The following UNC5C variants were observed in gnomAD, a reference collection of about 807,000 sequenced individuals.
The protein encoded by UNC5C is unc-5 netrin receptor C, also known as netrin receptor UNC5C.
Under a neutral mutation model 99.8 loss-of-function variants are expected in UNC5C, and 47 were observed. The observed-to-expected ratio is 0.47, with a 90% CI of 0.37 to 0.60. UNC5C has a LOEUF of 0.60. UNC5C is among the 20% of genes least tolerant of loss of function. UNC5C has a pLI of 0.00. For missense variants in UNC5C, 1,062 were observed against 1,165.9 expected (o/e 0.91, Z 1.30); for synonymous variants, 487 against 452.2 (o/e 1.08, Z -0.98).
chr4:95,546,331 A>G (rs540501227), intron 1 of UNC5C, among the ~76,000 whole-genome samples: 1 of 152,348 alleles, frequency 6.6e-6, no homozygotes, highest in Non-Finnish European at 1.5e-5. Flanking sequence ...AAAATGTGTG[A>G]TTCTGCAAGG....
At chr4:95,215,886 G>C (rs138405632) in intron 10 of UNC5C, among the ~76,000 whole-genome samples, 44 of 152,260 alleles carry the variant, frequency 2.9e-4, no homozygotes, top group Non-Finnish European at 4.7e-4. Flanking sequence ...ATATGGCAAC[G>C]TGTCCACTTG....
intron 1 of UNC5C, among the ~76,000 whole-genome samples, chr4:95,484,897 A>G (rs1156895174): frequency 6.6e-6 from 1 of 151,848 alleles, no homozygotes. Context: ...TGACCTATTC[A>G]TGTTATTTTT....
At chr4:95,406,387 C>G (rs1243359529) in intron 1 of UNC5C, among the ~76,000 whole-genome samples, 1 of 152,130 alleles carries the variant, frequency 6.6e-6, no homozygotes, top group African/African-American at 2.4e-5. Flanking sequence ...GGAGATGGTG[C>G]CATGATCCAT....
chr4:95,456,354 G>C lies in UNC5C; in HGVS notation c.124+92380C>G, dbSNP rs576747811. 5.9e-5 allele frequency among the ~76,000 whole-genome samples: 9 copies of C among 152,238 alleles called. No individual in the cohort carries two copies. The South Asian group carries it at 1.9e-3, about 32-fold the overall frequency. ...TGCAGGAAAGTCAGTTGTGGGAATGGGGAATTCATTGAGTTAAAGGAACTT... is the reference window on the plus strand; with the variant it reads ...TGCAGGAAAGTCAGTTGTGGGAATGCGGAATTCATTGAGTTAAAGGAACTT... On this transcript the variant is annotated intron_variant, in intron 1 of 15. Coordinates refer to ENST00000453304, the MANE Select transcript of UNC5C (RefSeq NM_003728.4).
intron 4 of UNC5C, among the ~76,000 whole-genome samples, chr4:95,277,749 A>G (rs933875202): frequency 6.6e-5 from 10 of 152,204 alleles, no homozygotes; most frequent in African/African-American, 2.4e-4. Flanking sequence ...ATAGGATGAA[A>G]CTAATTGACA....
At chr4:95,258,611 A>G (rs1740094772) in intron 4 of UNC5C, among the ~76,000 whole-genome samples, 1 of 152,118 alleles carries the variant, frequency 6.6e-6, no homozygotes. Context: ...TAATTTACTC[A>G]AGTGTTTATA....
chr4:95,350,395 G>T (rs191555480), intron 1 of UNC5C, among the ~76,000 whole-genome samples: 44 of 152,150 alleles, frequency 2.9e-4, no homozygotes, highest in Middle Eastern at 3.4e-3. Context: ...GCTGAGGCAG[G>T]AGAATCACTT....
At chr4:95,398,043 G>GTTTTTTTTTTTTTTTTTT (rs1745570466) in intron 1 of UNC5C, among the ~76,000 whole-genome samples, 2 of 76,954 alleles carry the variant, frequency 2.6e-5, no homozygotes, top group African/African-American at 1.9e-4. Context: ...GCCAAATGTA[G>GTTTTTTTTTTTTTTTTTT]CTTTTTTTTT....
intron 1 of UNC5C, among the ~76,000 whole-genome samples, chr4:95,346,359 A>T (rs1342625560): frequency 6.6e-6 from 1 of 152,042 alleles, no homozygotes; most frequent in Admixed American, 6.6e-5. Flanking sequence ...CATTTAAAGA[A>T]GAACTAATAC....
intron 1 of UNC5C, among the ~76,000 whole-genome samples, chr4:95,347,432 C>G (rs1743817630): frequency 6.6e-6 from 1 of 151,814 alleles, no homozygotes; most frequent in African/African-American, 2.4e-5. Context: ...GGAACCACAA[C>G]ACACCCAGAA....
At chr4:95,267,990 C>T (rs1385269926) in intron 4 of UNC5C, among the ~76,000 whole-genome samples, 5 of 122,710 alleles carry the variant, frequency 4.1e-5, no homozygotes, top group Non-Finnish European at 7.9e-5. Context: ...TGCTCTGTAA[C>T]CCAGGCTGGA....
At chr4:95,409,940 A>C (rs2149451460) in intron 1 of UNC5C, among the ~76,000 whole-genome samples, 1 of 152,276 alleles carries the variant, frequency 6.6e-6, no homozygotes, top group South Asian at 2.1e-4. Context: ...TGTGTAGCTC[A>C]GCTGACTTAA....
intron 2 of UNC5C, 44 bp from the exon 3 acceptor site, chr4:95,301,793 A>G: frequency 6.3e-7 from 1 of 1,593,060 alleles, no homozygotes. Flanking sequence ...CAAGATTCAT[A>G]CTAAAGAAAT....
rs1008917580 is a variant in UNC5C at position 95,291,185 on chromosome 4, T to A, written c.490+10421A>T. 6.6e-5 allele frequency among the ~76,000 whole-genome samples: 10 copies of A among 152,284 alleles called. 1 individual carries two copies. The highest frequency in any genetic ancestry group is 1.9e-4 in the African/African-American group (8 of 41,560). ...AAGAAAAAAAATCCATACAAGCCAC[T>A]CTTTTATATTCAAAATGCATCTTTA... On this transcript the variant is annotated intron_variant, in intron 3 of 15. Transcript: ENST00000453304.
intron 4 of UNC5C, among the ~76,000 whole-genome samples, chr4:95,274,561 G>A (rs1164917656): frequency 2.6e-5 from 4 of 152,066 alleles, no homozygotes; most frequent in Non-Finnish European, 5.9e-5. Context: ...GGAGTCCTCG[G>A]TTGGCCTCTT....
At chr4:95,525,161 A>G (rs1013469693) in intron 1 of UNC5C, among the ~76,000 whole-genome samples, 2 of 152,206 alleles carry the variant, frequency 1.3e-5, no homozygotes, top group Non-Finnish European at 2.9e-5. Context: ...AAGAGCAGCA[A>G]TTCTGAGAAT....
chr4:95,548,937 T>C lies in UNC5C; in HGVS notation c.-80A>G. ...GCTGAAAGCCCCACTGGGCAGAAGC[T>C]GAATCCGTGCACCGCGAAGCAGTCC... On this transcript the variant is annotated 5_prime_UTR_variant, in exon 1 of 16. Transcript: ENST00000453304. 4 of 1,555,860 alleles carry C rather than the reference T, an allele frequency of 2.6e-6. No homozygotes were observed. The highest frequency in any genetic ancestry group is 3.5e-6 in the Non-Finnish European group (4 of 1,140,758).
intron 2 of UNC5C, among the ~76,000 whole-genome samples, chr4:95,317,471 AAATTAT>A (rs140642836): frequency 0.046 from 7,026 of 152,156 alleles, 504 homozygotes; most frequent in African/African-American, 0.16. Context: ...TGTGTAAAGG[AAATTAT>A]AAAGTGAAGC....
At chr4:95,540,396 T>A (rs927379389) in intron 1 of UNC5C, among the ~76,000 whole-genome samples, 2 of 152,188 alleles carry the variant, frequency 1.3e-5, no homozygotes, top group South Asian at 4.1e-4. Context: ...GTTACTCAAA[T>A]GGGCTTCTGT....
Sources: allele counts gnomAD v4.1 joint callset (sites outside exome capture counted in the v4.1 genomes callset), GRCh38; gene constraint gnomAD v4.1.1; transcripts MANE v1.5; gene names NCBI Gene and HGNC (gene_info 2026-07-23, HGNC 2026-07-21).